The following PARN variants were observed in gnomAD, a reference collection of about 807,000 sequenced individuals.
PARN encodes the protein poly(A)-specific ribonuclease PARN.
PARN carries 71 observed loss-of-function variants against 102.8 expected under a neutral mutation model. The observed-to-expected ratio is 0.69, with a 90% confidence interval of 0.57 to 0.84. PARN has a LOEUF of 0.84. Ranked by LOEUF, PARN falls within the 40% of genes least tolerant of loss-of-function variation. PARN has a pLI of 0.00. For synonymous variants in PARN, 261 were observed against 252.9 expected, an observed-to-expected ratio of 1.03 and a Z score of -0.30; for missense variants, 782 against 760.9, an observed-to-expected ratio of 1.03 and a Z score of -0.33.
At chr16:14,501,286 CAAAAA>C (rs1367937666) in intron 21 of PARN, among the ~76,000 whole-genome samples, 3 of 120,682 alleles carry the variant, frequency 2.5e-5, no homozygotes, top group East Asian at 4.1e-4. Context: ...AAAAAACAAA[CAAAAA>C]AACAATAATA....
chr16:14,540,560 A>C (rs147467320), intron 21 of PARN, among the ~76,000 whole-genome samples: 3 of 152,302 alleles, frequency 2.0e-5, no homozygotes, highest in Non-Finnish European at 4.4e-5. Flanking sequence ...TGATGCATTT[A>C]CATTAGATTT....
chr16:14,569,667 T>C (rs760622955), intron 18 of PARN, among the ~76,000 whole-genome samples: 1 of 152,288 alleles, frequency 6.6e-6, no homozygotes, highest in Non-Finnish European at 1.5e-5. Context: ...AATATCATTG[T>C]TTTAATAAAT....
intron 15 of PARN, 107 bp from the exon 16 acceptor site, chr16:14,584,529 CTT>C (rs1297310713): frequency 1.9e-5 from 17 of 893,974 alleles, no homozygotes; most frequent in Non-Finnish European, 2.9e-5. Context: ...GTACTGTCTC[CTT>C]GTGTTCTTTA....
chr16:14,622,446 G>A (rs903660241), intron 5 of PARN, among the ~76,000 whole-genome samples: 4 of 152,158 alleles, frequency 2.6e-5, no homozygotes, highest in African/African-American at 4.8e-5. Flanking sequence ...TCCATACTAC[G>A]AAATAAAAGA....
At chr16:14,545,611 A>G (rs780692558) in intron 21 of PARN, among the ~76,000 whole-genome samples, 2 of 152,230 alleles carry the variant, frequency 1.3e-5, no homozygotes, top group African/African-American at 4.8e-5. Flanking sequence ...TTAGCTATGT[A>G]CACATAGCTA....
At chr16:14,474,108 T>C (rs1212961569) in intron 22 of PARN, among the ~76,000 whole-genome samples, 1 of 152,188 alleles carries the variant, frequency 6.6e-6, no homozygotes, top group African/African-American at 2.4e-5. Context: ...TTGTACCACC[T>C]CAACCTCCTG....
intron 5 of PARN, among the ~76,000 whole-genome samples, chr16:14,625,506 A>G (rs2151820827): frequency 6.6e-6 from 1 of 152,342 alleles, no homozygotes; most frequent in Admixed American, 6.5e-5. Flanking sequence ...TCAAGAAAAA[A>G]AAGAAAAGAA....
At chr16:14,554,044 A>T in intron 20 of PARN, 21 bp downstream of exon 20, 1 of 1,545,220 alleles carries the variant, frequency 6.5e-7, no homozygotes, top group Middle Eastern at 1.7e-4. Flanking sequence ...CCTAAAAAGT[A>T]CATCTGAACT....
intron 6 of PARN, among the ~76,000 whole-genome samples, chr16:14,614,453 A>G (rs1453791631): frequency 6.6e-6 from 1 of 152,216 alleles, no homozygotes; most frequent in East Asian, 1.9e-4. Flanking sequence ...GGAGAGAATT[A>G]TAACACACCA....
chr16:14,462,790 T>G (rs1962068158), intron 22 of PARN, among the ~76,000 whole-genome samples: 1 of 152,108 alleles, frequency 6.6e-6, no homozygotes, highest in Admixed American at 6.6e-5. Context: ...CCAGCCAAGA[T>G]GGAATAACAT....
At chr16:14,570,664 A>G (rs1300775299) in intron 18 of PARN, among the ~76,000 whole-genome samples, 1 of 144,238 alleles carries the variant, frequency 6.9e-6, no homozygotes, top group Non-Finnish European at 1.5e-5. Flanking sequence ...AAAAAAAAAG[A>G]GAAAAGAAAA....
chr16:14,493,329 C>T (rs1045997138), intron 21 of PARN, among the ~76,000 whole-genome samples: 4 of 152,200 alleles, frequency 2.6e-5, no homozygotes, highest in Admixed American at 2.0e-4. Context: ...AATCCTCCCA[C>T]CTCAGCCTCC....
intron 2 of PARN, 76 bp downstream of exon 2, chr16:14,629,521 G>T (rs1972897447): frequency 2.1e-5 from 23 of 1,088,568 alleles, no homozygotes; most frequent in Non-Finnish European, 3.3e-5. Flanking sequence ...AGCATAAGAA[G>T]TTGGGGGCTG....
chr16:14,544,469 G>A (rs753927327), intron 21 of PARN, among the ~76,000 whole-genome samples: 11 of 152,152 alleles, frequency 7.2e-5, no homozygotes, highest in Non-Finnish European at 1.6e-4. Flanking sequence ...CAGCTACTCA[G>A]GAGGCTGAGG....
At chr16:14,552,948 C>G (rs1424273402) in intron 20 of PARN, among the ~76,000 whole-genome samples, 2 of 151,152 alleles carry the variant, frequency 1.3e-5, no homozygotes, top group African/African-American at 4.9e-5. Context: ...AACTCTGTCT[C>G]AAAAAAATAA....
chr16:14,609,409 TA>T (rs1237781122), intron 7 of PARN, among the ~76,000 whole-genome samples: 2 of 151,722 alleles, frequency 1.3e-5, no homozygotes, highest in Non-Finnish European at 2.9e-5. Flanking sequence ...CTACAAAAAA[TA>T]AATCTTAAAA....
intron 5 of PARN, among the ~76,000 whole-genome samples, chr16:14,625,369 T>C (rs1294803180): frequency 1.3e-5 from 2 of 152,072 alleles, no homozygotes; most frequent in Admixed American, 6.6e-5. Context: ...TCTTGGTGCA[T>C]GCCTGTAATC....
intron 20 of PARN, among the ~76,000 whole-genome samples, chr16:14,552,455 C>T (rs1967367848): frequency 6.6e-6 from 1 of 152,178 alleles, no homozygotes. Context: ...TCAGAGACCA[C>T]ATAGGTTCAA....
At chr16:14,448,766 G>C (rs1961313555) in intron 22 of PARN, among the ~76,000 whole-genome samples, 1 of 152,198 alleles carries the variant, frequency 6.6e-6, no homozygotes. Flanking sequence ...CTAAGGCATG[G>C]GAAGCAGAAG....
Sources: allele counts gnomAD v4.1 joint callset (sites outside exome capture counted in the v4.1 genomes callset), GRCh38; gene constraint gnomAD v4.1.1; transcripts MANE v1.5; gene names NCBI Gene and HGNC (gene_info 2026-07-23, HGNC 2026-07-21).